The following SNX30 variants were observed in gnomAD, a reference collection of about 807,000 sequenced individuals.
SNX30 encodes the protein sorting nexin family member 30, also known as sorting nexin-30.
SNX30 carries 24 observed loss-of-function variants against 46.4 expected under a neutral mutation model. The observed-to-expected ratio is 0.52, with a 90% confidence interval of 0.37 to 0.73. The LOEUF (loss-of-function observed/expected upper bound fraction) is 0.73. Ranked by LOEUF, SNX30 falls within the 30% of genes least tolerant of loss-of-function variation. The pLI is 0.00. For synonymous variants in SNX30, 189 were observed against 211.5 expected, an observed-to-expected ratio of 0.89 and a Z score of 0.92; for missense variants, 533 against 555.7, an observed-to-expected ratio of 0.96 and a Z score of 0.41.
chr9:112,853,172 C>T (rs1000575821), intron 7 of SNX30, among the ~76,000 whole-genome samples: 1 of 152,224 alleles, frequency 6.6e-6, no homozygotes, highest in African/African-American at 2.4e-5. Context: ...TAGTGATCTA[C>T]ACCAGAGCGT....
At chr9:112,751,381 G>A (rs1434242729) in intron 1 of SNX30, among the ~76,000 whole-genome samples, 3 of 152,210 alleles carry the variant, frequency 2.0e-5, no homozygotes, top group Non-Finnish European at 2.9e-5. Flanking sequence ...CTGGTCGCAA[G>A]CACCGGTGAC....
At chr9:112,760,397 A>G (rs1839417024) in intron 1 of SNX30, among the ~76,000 whole-genome samples, 3 of 152,206 alleles carry the variant, frequency 2.0e-5, no homozygotes, top group Admixed American at 2.0e-4. Flanking sequence ...ATTCTGGTCT[A>G]ACATCAATAT....
In SNX30 at chr9:112,750,780, C is replaced by T. The variant is rs1839254790; in HGVS notation, c.-222C>T. 5.9e-6 allele frequency: 1 copy of T among 169,380 alleles called. No homozygotes were observed. The highest frequency in any genetic ancestry group is 1.2e-5 in the Non-Finnish European group (1 of 86,484). 10.5% of individuals were successfully genotyped at this position (169,380 alleles called of 1,614,324 possible). A position where few individuals can be genotyped will look rare whatever the true frequency, so the allele number is the denominator to read the frequency against. ...GCGCCGCGGCCGTGCTGCCAGCGGA[C>T]CCGCGGCGGGCTCGGGCGCGGAGCG... On this transcript the variant is annotated 5_prime_UTR_variant, in exon 1 of 9. Transcript: ENST00000374232.
intron 4 of SNX30, among the ~76,000 whole-genome samples, chr9:112,832,372 A>G (rs1268190989): frequency 1.1e-4 from 16 of 151,474 alleles, no homozygotes; most frequent in Non-Finnish European, 4.4e-5. Context: ...AAAAAAGAAA[A>G]GGGAGGGAAA....
chr9:112,807,451 C>T (rs1840247357), intron 2 of SNX30, among the ~76,000 whole-genome samples: 1 of 152,170 alleles, frequency 6.6e-6, no homozygotes, highest in African/African-American at 2.4e-5. Flanking sequence ...TACCCCACTA[C>T]ACCACTGGGC....
chr9:112,805,721 G>A (rs536078044), intron 2 of SNX30, among the ~76,000 whole-genome samples: 1 of 152,154 alleles, frequency 6.6e-6, no homozygotes, highest in African/African-American at 2.4e-5. Flanking sequence ...CACCTGCCTC[G>A]GCCTCCCAAA....
intron 1 of SNX30, among the ~76,000 whole-genome samples, chr9:112,791,128 G>A (rs567934771): frequency 6.6e-6 from 1 of 152,214 alleles, no homozygotes; most frequent in African/African-American, 2.4e-5. Flanking sequence ...ACAGGGTTGT[G>A]CAACCATCAT....
At position 112,865,639 on chromosome 9, in the gene SNX30, A is replaced by ATGTGTG. The variant is rs1841314693; in HGVS notation, c.1254+1241_1254+1242insGTGTGT. ...CCTGTCACGCCATATATATATATAT[A>ATGTGTG]TATATATATATATATATATATATGT... is the stretch of plus-strand genomic sequence containing the variant. On this transcript the variant is annotated intron_variant, in intron 8 of 8. Coordinates refer to ENST00000374232, the MANE Select transcript of SNX30 (RefSeq NM_001012994.2). Among the ~76,000 whole-genome samples the ATGTGTG allele has an allele frequency of 1.7e-5, 2 of 116,598 alleles. 1 individual carries two copies. Among genetic ancestry groups the ATGTGTG allele is most frequent in the Admixed American group, 1.7e-4 (2 of 12,070 alleles). The allele number at this position is 116,598 out of a possible 152,430, so 76.5% of individuals were successfully genotyped here. A position where few individuals can be genotyped will look rare whatever the true frequency, so the allele number is the denominator to read the frequency against.
intron 7 of SNX30, among the ~76,000 whole-genome samples, chr9:112,854,701 C>T (rs149721682): frequency 6.4e-4 from 98 of 152,294 alleles, no homozygotes; most frequent in African/African-American, 1.9e-3. Context: ...GCAGCAGCTG[C>T]GTTGGTGGGC....
At chr9:112,866,496 T>A (rs2131511575) in intron 8 of SNX30, 4 of 470,760 alleles carry the variant, frequency 8.5e-6, no homozygotes, top group African/African-American at 2.0e-5. Context: ...CCATTGCAGA[T>A]CTGAAGTGAT....
chr9:112,776,315 T>C (rs765934399), intron 1 of SNX30, among the ~76,000 whole-genome samples: 12 of 152,242 alleles, frequency 7.9e-5, no homozygotes, highest in Non-Finnish European at 1.5e-4. Context: ...TTTGATGTTC[T>C]ATATGATGCA....
intron 1 of SNX30, among the ~76,000 whole-genome samples, chr9:112,797,684 G>A (rs961479262): frequency 7.4e-5 from 11 of 148,416 alleles, no homozygotes; most frequent in Non-Finnish European, 4.5e-5. Flanking sequence ...AGGTGCTTGC[G>A]CTCTCTCTTC....
chr9:112,787,556 GAC>G (rs1364270141), intron 1 of SNX30, among the ~76,000 whole-genome samples: 1 of 152,092 alleles, frequency 6.6e-6, no homozygotes, highest in Non-Finnish European at 1.5e-5. Flanking sequence ...AGTTTAGAGA[GAC>G]AGTTTAGAAT....
chr9:112,796,676 T>C (rs932664041), intron 1 of SNX30, among the ~76,000 whole-genome samples: 1 of 152,092 alleles, frequency 6.6e-6, no homozygotes, highest in Non-Finnish European at 1.5e-5. Context: ...TTTTTGATAT[T>C]GCGTAGGTAT....
At chr9:112,828,026 G>A (rs1408157460) in intron 3 of SNX30, among the ~76,000 whole-genome samples, 1 of 152,180 alleles carries the variant, frequency 6.6e-6, no homozygotes, top group South Asian at 2.1e-4. Context: ...ACGTTCACAG[G>A]CAGGAGAGTA....
chr9:112,862,859 G>C (rs1024150070), intron 7 of SNX30, among the ~76,000 whole-genome samples: 2 of 152,002 alleles, frequency 1.3e-5, no homozygotes, highest in African/African-American at 4.8e-5. Flanking sequence ...ACTCAGCCCA[G>C]TATTTTTTTT....
intron 1 of SNX30, among the ~76,000 whole-genome samples, chr9:112,792,463 C>T (rs1040997640): frequency 6.6e-6 from 1 of 152,192 alleles, no homozygotes; most frequent in Non-Finnish European, 1.5e-5. Flanking sequence ...CTCTCTCCGT[C>T]GCCCAGCCTG....
intron 3 of SNX30, among the ~76,000 whole-genome samples, chr9:112,829,083 G>A (rs191383952): frequency 7.2e-4 from 109 of 152,214 alleles, no homozygotes; most frequent in African/African-American, 2.6e-3. Flanking sequence ...GCATGTTTTA[G>A]TACTTAGTTT....
At chr9:112,770,631 T>C (rs747699259) in intron 1 of SNX30, among the ~76,000 whole-genome samples, 13 of 152,162 alleles carry the variant, frequency 8.5e-5, no homozygotes, top group Non-Finnish European at 1.5e-4. Flanking sequence ...GCCTCACGCC[T>C]TTTGGCCCAG....
Sources: gnomAD v4.1 joint callset for allele counts (sites outside exome capture counted in the v4.1 genomes callset) on GRCh38, gnomAD v4.1.1 for gene constraint, MANE v1.5 for transcripts, NCBI Gene and HGNC (gene_info 2026-07-23, HGNC 2026-07-21) for gene names.